Variants in FBXL20 observed in about 807,000 individuals in gnomAD.
FBXL20 encodes F-box and leucine rich repeat protein 20, also known as F-box/LRR-repeat protein 20.
A neutral mutation model predicts 64.0 loss-of-function variants in FBXL20; 11 were observed. The observed-to-expected ratio is 0.17, with a 90% CI of 0.11 to 0.28. FBXL20 has a LOEUF of 0.28. Ranked by LOEUF, FBXL20 falls within the 10% of genes least tolerant of loss-of-function variation. FBXL20 has a pLI of 1.00. For synonymous variants in FBXL20, 184 were observed against 189.0 expected, an observed-to-expected ratio of 0.97 and a Z score of 0.22; for missense variants, 303 against 526.2, an observed-to-expected ratio of 0.58 and a Z score of 4.15.
At chr17:39,274,290 G>C (rs1169989329) in intron 10 of FBXL20, among the ~76,000 whole-genome samples, 1 of 152,144 alleles carries the variant, frequency 6.6e-6, no homozygotes, top group Non-Finnish European at 1.5e-5. Context: ...TTTAGTCCCA[G>C]CTACTCCTGA....
chr17:39,368,170 C>CT (rs1467545521), intron 1 of FBXL20, among the ~76,000 whole-genome samples: 3 of 152,190 alleles, frequency 2.0e-5, no homozygotes, highest in African/African-American at 7.2e-5. Flanking sequence ...AGGAGAATCA[C>CT]TTGAGGCCAG....
chr17:39,386,478 G>C (rs557497391), intron 1 of FBXL20, among the ~76,000 whole-genome samples: 1 of 151,788 alleles, frequency 6.6e-6, no homozygotes, highest in African/African-American at 2.4e-5. Flanking sequence ...ACAAAAATTA[G>C]CTGGAAGTGG....
chr17:39,342,661 G>A (rs989410987), intron 2 of FBXL20, among the ~76,000 whole-genome samples: 1 of 152,126 alleles, frequency 6.6e-6, no homozygotes, highest in African/African-American at 2.4e-5. Context: ...AGCTTGCAGT[G>A]AGCTGAGATT....
At chr17:39,377,739 T>A (rs2047981843) in intron 1 of FBXL20, among the ~76,000 whole-genome samples, 1 of 152,134 alleles carries the variant, frequency 6.6e-6, no homozygotes, top group Non-Finnish European at 1.5e-5. Flanking sequence ...CCTGACCTCG[T>A]GATCCGCTCC....
intron 10 of FBXL20, among the ~76,000 whole-genome samples, chr17:39,272,318 G>A (rs1023246557): frequency 3.3e-5 from 5 of 151,634 alleles, no homozygotes; most frequent in South Asian, 2.1e-4. Context: ...CCCAGGAGGC[G>A]GAGTTTGCAG....
chr17:39,361,324 C>T (rs940578239), intron 1 of FBXL20, among the ~76,000 whole-genome samples: 3 of 152,096 alleles, frequency 2.0e-5, no homozygotes, highest in African/African-American at 2.4e-5. Flanking sequence ...GAGGCCATTT[C>T]GCTGTTAGCT....
At chr17:39,343,087 C>T in intron 2 of FBXL20, 93 bp downstream of exon 2, 2 of 779,840 alleles carry the variant, frequency 2.6e-6, no homozygotes, top group Non-Finnish European at 4.1e-6. Context: ...AGATACTATA[C>T]ATATATGAAA....
chr17:39,401,900 T>C (rs1041194955), upstream of FBXL20: 1 of 406,824 alleles, frequency 2.5e-6, no homozygotes, highest in East Asian at 4.2e-5. Context: ...GAAGTGCCTG[T>C]GCGTGTGGAA....
chr17:39,293,614 C>CT (rs1475383533), intron 6 of FBXL20, among the ~76,000 whole-genome samples: 1 of 152,126 alleles, frequency 6.6e-6, no homozygotes, highest in Non-Finnish European at 1.5e-5. Context: ...TTTCTGGAGT[C>CT]TTTATTGAAT....
At chr17:39,349,189 T>A (rs971310617) in intron 1 of FBXL20, among the ~76,000 whole-genome samples, 1 of 150,682 alleles carries the variant, frequency 6.6e-6, no homozygotes, top group African/African-American at 2.4e-5. Context: ...GAGACAGAGG[T>A]TGCAGTGAGC....
chr17:39,334,897 G>A (rs1419548135), intron 2 of FBXL20, among the ~76,000 whole-genome samples: 1 of 152,134 alleles, frequency 6.6e-6, no homozygotes, highest in Non-Finnish European at 1.5e-5. Flanking sequence ...AGACCATCCT[G>A]GCTAACATGG....
intron 2 of FBXL20, among the ~76,000 whole-genome samples, chr17:39,309,006 A>G (rs924111850): frequency 6.6e-6 from 1 of 152,164 alleles, no homozygotes; most frequent in African/African-American, 2.4e-5. Context: ...TAATTTTTGT[A>G]TTTTAGTAAA....
chr17:39,334,039 TGTG>T (rs1320868444), intron 2 of FBXL20, among the ~76,000 whole-genome samples: 2 of 151,968 alleles, frequency 1.3e-5, no homozygotes, highest in African/African-American at 4.8e-5. Context: ...AAGGGGGAAA[TGTG>T]GGGAAAAGAA....
intron 6 of FBXL20, among the ~76,000 whole-genome samples, chr17:39,290,993 G>A (rs1448976310): frequency 1.4e-5 from 2 of 146,968 alleles, no homozygotes; most frequent in Non-Finnish European, 3.0e-5. Flanking sequence ...ACAGAGTGTC[G>A]CTCTGTCGCC....
At chr17:39,382,878 C>A (rs1354500085) in intron 1 of FBXL20, among the ~76,000 whole-genome samples, 1 of 151,662 alleles carries the variant, frequency 6.6e-6, no homozygotes, top group Non-Finnish European at 1.5e-5. Context: ...AAGAAAAGGT[C>A]AGGTGCGGTG....
chr17:39,327,117 T>C (rs2047416312), intron 2 of FBXL20, among the ~76,000 whole-genome samples: 2 of 152,036 alleles, frequency 1.3e-5, no homozygotes, highest in African/African-American at 4.8e-5. Flanking sequence ...AACTCCTGAC[T>C]TCAAATGATC....
intron 1 of FBXL20, among the ~76,000 whole-genome samples, chr17:39,369,746 G>A (rs1016218957): frequency 7.2e-5 from 11 of 152,010 alleles, no homozygotes; most frequent in African/African-American, 2.7e-4. Context: ...AGCAATCCTC[G>A]CACCTCAGCC....
chr17:39,301,180 CAA>C, intron 3 of FBXL20, 105 bp from the exon 4 acceptor site: 1 of 984,308 alleles, frequency 1.0e-6, no homozygotes, highest in South Asian at 1.4e-5. Context: ...AAAATGGATC[CAA>C]AAATTTATCA....
chr17:39,253,387 C>A lies in FBXL20; in HGVS notation c.*8073G>T. 1 of 152,434 alleles carries A rather than the reference C, an allele frequency of 6.6e-6. No individual in the cohort carries two copies. The highest frequency in any genetic ancestry group is 2.1e-4 in the South Asian group (1 of 4,816). 9.4% of individuals were successfully genotyped at this position (152,434 alleles called of 1,614,324 possible). A position where few individuals can be genotyped will look rare whatever the true frequency, so the allele number is the denominator to read the frequency against. On this transcript the variant is annotated 3_prime_UTR_variant, in exon 15 of 15. Transcript: ENST00000264658. ...TTCCTAGGAGAAAAAAGGAGGAGGC[C>A]AGAGTAGGAAGCATCTGAAGGCCAA...
Sources: allele counts gnomAD v4.1 joint callset (sites outside exome capture counted in the v4.1 genomes callset), GRCh38; gene constraint gnomAD v4.1.1; transcripts MANE v1.5; gene names NCBI Gene and HGNC (gene_info 2026-07-23, HGNC 2026-07-21).